The following KIF21A variants were observed in gnomAD, a reference collection of about 807,000 sequenced individuals.
KIF21A encodes kinesin family member 21A.
KIF21A carries 114 observed loss-of-function variants against 202.9 expected under a neutral mutation model. That is an observed-to-expected ratio of 0.56 (90% confidence interval 0.48 to 0.66). The LOEUF is 0.66. Ranked by LOEUF, KIF21A falls within the 30% of genes least tolerant of loss-of-function variation. KIF21A has a pLI of 0.00. For missense variants in KIF21A, 1,677 were observed against 1,994.9 expected, an observed-to-expected ratio of 0.84 and a Z score of 3.04; for synonymous variants, 667 against 670.8, an observed-to-expected ratio of 0.99 and a Z score of 0.09.
In KIF21A at chr12:39,358,714, ATTAT is replaced by A. The variant is rs532975830; in HGVS notation, c.1020-345_1020-342del. Among the ~76,000 whole-genome samples, 560 of 152,338 alleles carry A rather than the reference ATTAT, an allele frequency of 3.7e-3. 3 individuals are homozygous for A. The highest frequency in any genetic ancestry group is 0.013 in the African/African-American group (529 of 41,586). On this transcript the variant is annotated intron_variant, in intron 7 of 37. Transcript: ENST00000361418. The stretch of plus-strand genomic sequence containing the variant: ...CTGAAAATCTAAAACCACTTCTTTC[ATTAT>A]TTATTCTTTCAGTATTTTAAAAATT...
chr12:39,306,769 C>T (rs1294582011), intron 34 of KIF21A, among the ~76,000 whole-genome samples: 2 of 152,206 alleles, frequency 1.3e-5, no homozygotes, highest in South Asian at 2.1e-4. Flanking sequence ...GCCTATAATC[C>T]GAGCACTTTG....
At chr12:39,304,126 C>A (rs568187684) in intron 35 of KIF21A, among the ~76,000 whole-genome samples, 17 of 152,302 alleles carry the variant, frequency 1.1e-4, no homozygotes, top group Middle Eastern at 3.4e-3. Flanking sequence ...ATAGAATCCT[C>A]TTTTCTTAAC....
chr12:39,341,752 T>A, intron 13 of KIF21A, 130 bp from the exon 14 acceptor site: 1 of 1,024,692 alleles, frequency 9.8e-7, no homozygotes, highest in South Asian at 1.5e-5. Context: ...TATAAAAATG[T>A]TAAGGTTATT....
chr12:39,416,997 G>C (rs1953812549), intron 1 of KIF21A, among the ~76,000 whole-genome samples: 1 of 151,528 alleles, frequency 6.6e-6, no homozygotes, highest in South Asian at 2.1e-4. Flanking sequence ...TTAGCTATTA[G>C]TATCATTCAT....
At chr12:39,323,359 C>T (rs898413097) in intron 26 of KIF21A, among the ~76,000 whole-genome samples, 3 of 151,072 alleles carry the variant, frequency 2.0e-5, no homozygotes, top group Non-Finnish European at 4.4e-5. Context: ...AGAAGAAAGA[C>T]ATTAAACCAA....
intron 1 of KIF21A, among the ~76,000 whole-genome samples, chr12:39,393,399 A>G (rs766958828): frequency 3.3e-5 from 5 of 152,202 alleles, no homozygotes; most frequent in Non-Finnish European, 7.3e-5. Context: ...AGAAAAAGGC[A>G]CAGATAAATT....
At chr12:39,413,248 A>G (rs1953260767) in intron 1 of KIF21A, among the ~76,000 whole-genome samples, 1 of 152,202 alleles carries the variant, frequency 6.6e-6, no homozygotes, top group Non-Finnish European at 1.5e-5. Flanking sequence ...ACCCCGTAGT[A>G]TCTAAAAATC....
intron 12 of KIF21A, among the ~76,000 whole-genome samples, chr12:39,343,988 T>C (rs1947675308): frequency 6.6e-6 from 1 of 152,160 alleles, no homozygotes; most frequent in South Asian, 2.1e-4. Flanking sequence ...AGACAGCATA[T>C]ATACGGAGAG....
intron 1 of KIF21A, among the ~76,000 whole-genome samples, chr12:39,394,829 G>A (rs1050618670): frequency 6.6e-6 from 1 of 152,128 alleles, no homozygotes; most frequent in East Asian, 1.9e-4. Context: ...AAGAAGGGAT[G>A]GGGGGCGGGG....
intron 37 of KIF21A, among the ~76,000 whole-genome samples, chr12:39,299,074 G>T (rs1942700488): frequency 6.6e-6 from 1 of 152,072 alleles, no homozygotes; most frequent in Admixed American, 6.6e-5. Context: ...TTGAAAATAT[G>T]TAGTAGACAT....
intron 24 of KIF21A, among the ~76,000 whole-genome samples, chr12:39,327,169 A>T (rs1039464257): frequency 2.0e-5 from 3 of 152,190 alleles, no homozygotes; most frequent in African/African-American, 7.2e-5. Context: ...CATTAAAGAA[A>T]AATATATAGG....
Position 39,307,693 on chromosome 12 carries a change from A to G in KIF21A, c.4314T>C (p.Ser1438=), listed in dbSNP as rs754312184. The change falls in exon 34 of 38, where the codon TCT becomes TCC. Residue 1438 remains serine, a synonymous_variant. Transcript: ENST00000361418. ...SGQVTLGDAC[S]ASTSRTVAIP... ...TAGCTACTGTTCGACTGGTACTTGC[A>G]GAACAAGCATCTCCAAGAGTAACTT... The G allele has an allele frequency of 2.5e-6, 4 of 1,614,140 alleles. No individual in the cohort carries two copies. The highest frequency in any genetic ancestry group is 3.4e-6 in the Non-Finnish European group (4 of 1,179,988).
In KIF21A at chr12:39,294,152, T is replaced by C; in HGVS notation, c.*272A>G. 5.6e-6 allele frequency: 2 copies of C among 359,168 alleles called. No homozygotes were observed. The highest frequency in any genetic ancestry group is 1.0e-5 in the Non-Finnish European group (2 of 193,238). The allele number at this position is 359,168 out of a possible 1,614,324, so 22.2% of individuals were successfully genotyped here. Reference sequence around the variant, plus strand: ...TCAAATAATTTGAAAGTGTGTTTTATAGATAGGCACAAAAATTCAGCCACA... The same window carrying C: ...TCAAATAATTTGAAAGTGTGTTTTACAGATAGGCACAAAAATTCAGCCACA... On this transcript the variant is annotated 3_prime_UTR_variant, in exon 38 of 38. Coordinates refer to ENST00000361418, the MANE Select transcript of KIF21A (RefSeq NM_001173464.2).
intron 1 of KIF21A, 23 bp from the exon 2 acceptor site, chr12:39,370,284 A>G (rs1167314925): frequency 1.3e-6 from 2 of 1,546,904 alleles, no homozygotes; most frequent in Non-Finnish European, 1.8e-6. Flanking sequence ...ATCAGAAAAG[A>G]AAAAAATAAA....
chr12:39,329,010 C>T (rs1345677008), intron 24 of KIF21A, among the ~76,000 whole-genome samples: 1 of 152,190 alleles, frequency 6.6e-6, no homozygotes, highest in Admixed American at 6.5e-5. Context: ...TCCATAAGGA[C>T]AAAATCAGCA....
At chr12:39,354,942 G>A (rs1036142508) in intron 10 of KIF21A, among the ~76,000 whole-genome samples, 8 of 152,094 alleles carry the variant, frequency 5.3e-5, no homozygotes, top group African/African-American at 9.7e-5. Flanking sequence ...GCCCAAGGTC[G>A]TACACCTTAT....
chr12:39,307,128 T>G (rs1293310546), intron 34 of KIF21A, among the ~76,000 whole-genome samples: 2 of 152,142 alleles, frequency 1.3e-5, no homozygotes, highest in Non-Finnish European at 2.9e-5. Flanking sequence ...TTATTTTATA[T>G]TCACAAAAAT....
At chr12:39,302,767 C>A (rs1029624242) in intron 36 of KIF21A, among the ~76,000 whole-genome samples, 198 bp downstream of exon 36, 1 of 152,112 alleles carries the variant, frequency 6.6e-6, no homozygotes, top group African/African-American at 2.4e-5. Context: ...TCTTATCTAG[C>A]GGGTATTATT....
At chr12:39,375,259 C>G (rs955043618) in intron 1 of KIF21A, among the ~76,000 whole-genome samples, 1 of 152,262 alleles carries the variant, frequency 6.6e-6, no homozygotes, top group South Asian at 2.1e-4. Context: ...AAGGCTTATA[C>G]TTGCTACCTT....
Sources: gnomAD v4.1 joint callset for allele counts (sites outside exome capture counted in the v4.1 genomes callset) on GRCh38, gnomAD v4.1.1 for gene constraint, MANE v1.5 for transcripts, NCBI Gene and HGNC (gene_info 2026-07-23, HGNC 2026-07-21) for gene names.